COL7A1: variants seen among roughly 807,000 people sequenced by gnomAD.
COL7A1 encodes the protein collagen type VII alpha 1 chain, also known as collagen alpha-1(VII) chain.
In COL7A1, 296 loss-of-function variants were observed where a neutral mutation model predicts 456.2. The observed-to-expected ratio is 0.65, with a 90% CI of 0.59 to 0.71. The LOEUF (loss-of-function observed/expected upper bound fraction) is 0.71, where lower values mean the gene tolerates loss of function less well. Ranked by LOEUF, COL7A1 falls within the 30% of genes least tolerant of loss-of-function variation. The pLI, the probability that COL7A1 is intolerant of heterozygous loss-of-function variation, is 0.00. For missense variants in COL7A1, 3,441 were observed against 4,017.2 expected (o/e 0.86, Z 3.88); for synonymous variants, 1,464 against 1,525.9 (o/e 0.96, Z 0.95).
chr3:48,583,060 G>C lies in COL7A1; in HGVS notation c.4483-12C>G. 1.9e-6 allele frequency: 3 copies of C among 1,614,070 alleles called. No homozygotes were observed. In the South Asian group the frequency reaches 3.3e-5, roughly 18 times the overall value. Reference sequence around the variant, plus strand: ...GGTCCACGTTCGCCCTGATGGAAAAGAAGAGGTCAGAGCTGAGTTGGGCCC... The same window carrying C: ...GGTCCACGTTCGCCCTGATGGAAAACAAGAGGTCAGAGCTGAGTTGGGCCC... On this transcript the variant is annotated splice_polypyrimidine_tract_variant and intron_variant, in intron 43 of 118. Transcript: ENST00000681320. This position sits in a 1 kb window ranked among gnomAD's most constrained non-coding sequence, Gnocchi z 5.1.
Position 48,567,739 on chromosome 3 carries a change from G to C in COL7A1, c.7954C>G (p.Pro2652Ala). Residue 2652 changes from proline to alanine, a missense_variant, in exon 108 of 119, where the codon CCC becomes GCC. Physicochemically the swap from Pro to Ala is conservative, Grantham distance 27. Coordinates refer to ENST00000681320, the MANE Select transcript of COL7A1 (RefSeq NM_000094.4). This position sits in a 1 kb window ranked among gnomAD's most constrained non-coding sequence, Gnocchi z 4.3. ...DKGEAGPPGRPGLAGHKGEMG... is the reference protein window; with the variant it reads ...DKGEAGPPGRAGLAGHKGEMG... ...TCTCCTTTGTGTCCTGCCAGCCCGG[G>C]GCGGCCTGGGGGACCAGCTTCTCCC... The C allele has an allele frequency of 6.2e-7, 1 of 1,614,120 alleles. No individual in the cohort carries two copies. Among genetic ancestry groups the C allele is most frequent in the Non-Finnish European group, 8.5e-7 (1 of 1,180,026 alleles).
rs1388821282 is a variant in COL7A1 at position 48,590,263 on chromosome 3, A to G, written c.2000T>C (p.Val667Ala). 3 of 1,613,818 alleles carry G rather than the reference A, an allele frequency of 1.9e-6. No individual in the cohort carries two copies. The highest frequency in any genetic ancestry group is 1.1e-5 in the South Asian group (1 of 91,080). The change falls in exon 16 of 119, where the codon GTA becomes GCA. Residue 667 changes from valine to alanine, a missense_variant. Coordinates refer to ENST00000681320, the MANE Select transcript of COL7A1 (RefSeq NM_000094.4). The surrounding 1 kb of genome is among the most constrained non-coding windows in gnomAD (Gnocchi z 4.6). ...AGGGCCCTCCTCTCTGCCTCGCAGT[A>G]CCGACACAGCCACCTGGTAGGTGGT... The part of the protein sequence containing the change: ...PGTTYQVAVS[V>A]LRGREEGPAA...
chr3:48,567,778 C>T lies in COL7A1; in HGVS notation c.7930-15G>A, dbSNP rs1484557597. The T allele has an allele frequency of 6.2e-7, 1 of 1,614,076 alleles. No homozygotes were observed. The highest frequency in any genetic ancestry group is 8.5e-7 in the Non-Finnish European group (1 of 1,180,040). The stretch of plus-strand genomic sequence containing the variant: ...CCAGCTTCTCCCTGCAGGCATCAGG[C>T]AGTGGGGTGAGCCTTAGGCCCCAGG... On this transcript the variant is annotated splice_polypyrimidine_tract_variant and intron_variant, in intron 107 of 118. Transcript: ENST00000681320. This position sits in a 1 kb window ranked among gnomAD's most constrained non-coding sequence, Gnocchi z 4.3.
Position 48,589,082 on chromosome 3 carries a change from G to A in COL7A1, c.2315-87C>T, listed in dbSNP as rs538326849. Reference sequence around the variant, plus strand: ...TGACGCAGGGGTGATCTGAAAGTCAGTGTGAGGTTAGTGTGGACAGGTCAC... The same window carrying A: ...TGACGCAGGGGTGATCTGAAAGTCAATGTGAGGTTAGTGTGGACAGGTCAC... On this transcript the variant is annotated intron_variant, in intron 18 of 118. Transcript: ENST00000681320. The A allele has an allele frequency of 5.1e-5, 81 of 1,602,084 alleles. 2 individuals are homozygous for A. The South Asian group carries it at 9.0e-4, about 18-fold the overall frequency.
chr3:48,578,264 G>A lies in COL7A1; in HGVS notation c.5532+57C>T. The stretch of plus-strand genomic sequence containing the variant: ...ATGTGTTGCTACAGATCTTGGCTGT[G>A]TAGGTGTGCTGGCGTTTCTTGGCAG... On this transcript the variant is annotated intron_variant, in intron 65 of 118. Transcript: ENST00000681320. This position sits in a 1 kb window ranked among gnomAD's most constrained non-coding sequence, Gnocchi z 4.7. 1 of 1,602,786 alleles carries A rather than the reference G, an allele frequency of 6.2e-7. No individual in the cohort carries two copies. The highest frequency in any genetic ancestry group is 2.2e-5 in the East Asian group (1 of 44,804).
chr3:48,594,645 T>A lies in COL7A1; in HGVS notation c.86-97A>T. On this transcript the variant is annotated intron_variant, in intron 2 of 118. Transcript: ENST00000681320. The surrounding 1 kb of genome is among the most constrained non-coding windows in gnomAD (Gnocchi z 5.5). ...CTGGGACTTGGGATGGTGGGGAGAG[T>A]AGGCCTCATCTTATGCAAACCAGGG... The A allele has an allele frequency of 7.1e-7, 1 of 1,406,810 alleles. No individual in the cohort carries two copies. The highest frequency in any genetic ancestry group is 9.7e-7 in the Non-Finnish European group (1 of 1,034,400). The allele number at this position is 1,406,810 out of a possible 1,614,324, so 87.1% of individuals were successfully genotyped here.
In COL7A1 at chr3:48,576,634, C is replaced by T. The variant is rs373316341; in HGVS notation, c.5700+42G>A. The T allele has an allele frequency of 2.5e-6, 4 of 1,591,544 alleles. No homozygotes were observed. The Admixed American group carries it at 7.2e-5, about 29-fold the overall frequency. On this transcript the variant is annotated intron_variant, in intron 68 of 118. Transcript: ENST00000681320. ...AGGGTTGCCCATTGAAACATCATGGCTTCTAATGCTCTGAAGTCCCAGAAT... is the reference window on the plus strand; with the variant it reads ...AGGGTTGCCCATTGAAACATCATGGTTTCTAATGCTCTGAAGTCCCAGAAT...
chr3:48,575,252 A>C lies in COL7A1; in HGVS notation c.6181-10T>G. 2 of 1,613,912 alleles carry C rather than the reference A, an allele frequency of 1.2e-6. No individual in the cohort carries two copies. The highest frequency in any genetic ancestry group is 1.7e-6 in the Non-Finnish European group (2 of 1,179,970). On this transcript the variant is annotated splice_polypyrimidine_tract_variant and intron_variant, in intron 74 of 118. Coordinates refer to ENST00000681320, the MANE Select transcript of COL7A1 (RefSeq NM_000094.4). This position sits in a 1 kb window ranked among gnomAD's most constrained non-coding sequence, Gnocchi z 6.3. ...TCTCTCCCCGTTCTCCCTGAAATGC[A>C]AATAGCGGGTGAGGGCCAAGCCCAT...
At position 48,584,547 on chromosome 3, in the gene COL7A1, C is replaced by T. The variant is rs149361101; in HGVS notation, c.4057G>A (p.Gly1353Arg). Reference protein sequence around the residue: ...RGPKGEPGAPGQVIGGEGPGL... With the variant: ...RGPKGEPGAPRQVIGGEGPGL... The stretch of plus-strand genomic sequence containing the variant: ...GGTCCTTCACCTCCGATGACTTGTC[C>T]GGGAGCCCCCTGTAAGGACAGAGAG... The change falls in exon 36 of 119, where the codon GGA (glycine) becomes AGA (arginine). Residue 1353 changes from glycine (G) to arginine (R), a missense_variant. Transcript: ENST00000681320. 3.1e-5 allele frequency: 50 copies of T among 1,614,096 alleles called. No individual in the cohort carries two copies. The highest frequency in any genetic ancestry group is 4.0e-5 in the Non-Finnish European group (47 of 1,180,002).
rs747975359 is a variant in COL7A1 at position 48,575,279 on chromosome 3, G to A, written c.6181-37C>T. 6.2e-7 allele frequency: 1 copy of A among 1,613,786 alleles called. No homozygotes were observed. Among genetic ancestry groups the A allele is most frequent in the Admixed American group, 1.7e-5 (1 of 60,018 alleles). ...ATAGCGGGTGAGGGCCAAGCCCATG[G>A]GGGGTCCCACCCCTCCCAACCCCTC... On this transcript the variant is annotated intron_variant, in intron 74 of 118. Coordinates refer to ENST00000681320, the MANE Select transcript of COL7A1 (RefSeq NM_000094.4). This position sits in a 1 kb window ranked among gnomAD's most constrained non-coding sequence, Gnocchi z 6.3.
In COL7A1 at chr3:48,571,950, G is replaced by A. The variant is rs752445437; in HGVS notation, c.7068+51C>T. On this transcript the variant is annotated intron_variant, in intron 92 of 118. Coordinates refer to ENST00000681320, the MANE Select transcript of COL7A1 (RefSeq NM_000094.4). The surrounding 1 kb of genome is among the most constrained non-coding windows in gnomAD (Gnocchi z 4.6). ...GGCCCAAGAGTGGCCCCTTATGCCCGCCATCACACTCCTCAGGCCAGGCTC... is the reference window on the plus strand; with the variant it reads ...GGCCCAAGAGTGGCCCCTTATGCCCACCATCACACTCCTCAGGCCAGGCTC... The A allele has an allele frequency of 1.1e-5, 17 of 1,602,106 alleles. No individual in the cohort carries two copies. Among genetic ancestry groups the A allele is most frequent in the South Asian group, 6.7e-5 (6 of 89,520 alleles).
chr3:48,572,883 G>C lies in COL7A1; in HGVS notation c.6810C>G (p.Asp2270Glu). 6.2e-7 allele frequency: 1 copy of C among 1,613,972 alleles called. No individual in the cohort carries two copies. The highest frequency in any genetic ancestry group is 8.5e-7 in the Non-Finnish European group (1 of 1,179,998). ...GRDGASGKDG[D>E]RGSPGVPGSP... ...ATACTGGCACACCAGGGCTCCCTCTGTCTCCATCTTTTCCACTGGCACCAT... is the reference window on the plus strand; with the variant it reads ...ATACTGGCACACCAGGGCTCCCTCTCTCTCCATCTTTTCCACTGGCACCAT... The change falls in exon 87 of 119, where the codon GAC (aspartate) becomes GAG (glutamate). Residue 2270 changes from aspartate to glutamate, a missense_variant. Coordinates refer to ENST00000681320, the MANE Select transcript of COL7A1 (RefSeq NM_000094.4). The surrounding 1 kb of genome is among the most constrained non-coding windows in gnomAD (Gnocchi z 4.6).
rs1575453409 is a variant in COL7A1 at position 48,580,002 on chromosome 3, C to T, written c.5124+29G>A. The T allele has an allele frequency of 2.5e-6, 4 of 1,613,846 alleles. No homozygotes were observed. Among genetic ancestry groups the T allele is most frequent in the Admixed American group, 3.3e-5 (2 of 59,990 alleles). The stretch of plus-strand genomic sequence containing the variant: ...CCAAAGGGGCAAGTGAGAACAATGA[C>T]AGAGGACCAGACCCAGCGCAGCCCT... On this transcript the variant is annotated intron_variant, in intron 57 of 118. Coordinates refer to ENST00000681320, the MANE Select transcript of COL7A1 (RefSeq NM_000094.4). The surrounding 1 kb of genome is among the most constrained non-coding windows in gnomAD (Gnocchi z 4.5).
chr3:48,592,262 A>G lies in COL7A1; in HGVS notation c.1094-14T>C. On this transcript the variant is annotated splice_polypyrimidine_tract_variant and intron_variant, in intron 9 of 118. Transcript: ENST00000681320. The surrounding 1 kb of genome is among the most constrained non-coding windows in gnomAD (Gnocchi z 7.6). ...GTGTGGGCCCACCTGCATGGGGGAC[A>G]CCAAGGGGCCAGTGGGCCTTGCAGA... is the stretch of plus-strand genomic sequence containing the variant. The G allele has an allele frequency of 6.2e-7, 1 of 1,613,746 alleles. No individual in the cohort carries two copies. The highest frequency in any genetic ancestry group is 1.1e-5 in the South Asian group (1 of 91,076).
rs36087234 is a variant in COL7A1, at chr3:48,587,838, C to T, written c.2812G>A (p.Gly938Arg). ...GCAGAGGGCCCTTCTCCAGCTGGCCCTAGGACACTCAGCCTCACGCGGTAC... is the reference window on the plus strand; with the variant it reads ...GCAGAGGGCCCTTCTCCAGCTGGCCTTAGGACACTCAGCCTCACGCGGTAC... ...TQYRVRLSVL[G>R]PAGEGPSAEV... Residue 938 changes from glycine (G) to arginine (R), a missense_variant, in exon 22 of 119, where the codon GGG becomes AGG. This residue lies in a region of COL7A1 where 444 missense variants were observed against 427.6 expected (regional missense o/e 1.04). Coordinates refer to ENST00000681320, the MANE Select transcript of COL7A1 (RefSeq NM_000094.4). The surrounding 1 kb of genome is among the most constrained non-coding windows in gnomAD (Gnocchi z 6.1). 6.2e-7 allele frequency: 1 copy of T among 1,613,392 alleles called. No individual in the cohort carries two copies. Among genetic ancestry groups the T allele is most frequent in the Non-Finnish European group, 8.5e-7 (1 of 1,179,950 alleles).
rs775985967 is a variant in COL7A1 at position 48,586,472 on chromosome 3, G to A, written c.3410C>T (p.Ala1137Val). The A allele has an allele frequency of 7.7e-5, 125 of 1,613,702 alleles. No individual in the cohort carries two copies. Among genetic ancestry groups the A allele is most frequent in the Non-Finnish European group, 9.8e-5 (116 of 1,180,054 alleles). The change falls in exon 27 of 119, where the codon GCC becomes GTC. Residue 1137 changes from alanine (A) to valine (V), a missense_variant. Ala to Val is a moderately conservative substitution (Grantham distance 64). Around this residue, in one of 3 missense-constraint regions of COL7A1, gnomAD observed 2,084 missense variants for 2,501.3 expected, o/e 0.83. Transcript: ENST00000681320. This position sits in a 1 kb window ranked among gnomAD's most constrained non-coding sequence, Gnocchi z 5.1. The stretch of plus-strand genomic sequence containing the variant: ...CATGTATCTGTGAGCTGTGACCACG[G>A]CTGTGCCTGGAAGGAAGGACATGTC... Reference protein sequence around the residue: ...MDPSGNNLGTAVVTAHRYMLA... With the variant: ...MDPSGNNLGTVVVTAHRYMLA...
Position 48,592,584 on chromosome 3 carries a change from C to T in COL7A1, c.962G>A (p.Gly321Glu). 6.2e-7 allele frequency: 1 copy of T among 1,613,972 alleles called. No individual in the cohort carries two copies. The highest frequency in any genetic ancestry group is 1.1e-5 in the South Asian group (1 of 91,086). Residue 321 changes from glycine to glutamate, a missense_variant, in exon 8 of 119, where the codon GGG becomes GAG. This residue lies in a region of COL7A1 where 913 missense variants were observed against 1,088.2 expected (regional missense o/e 0.84). Coordinates refer to ENST00000681320, the MANE Select transcript of COL7A1 (RefSeq NM_000094.4). The surrounding 1 kb of genome is among the most constrained non-coding windows in gnomAD (Gnocchi z 7.6). Reference sequence around the variant, plus strand: ...GAATTGCTCACTGGTCCGAGCTGTCCCGCTCACAGCCTCCCCGATGCTGTT... The same window carrying T: ...GAATTGCTCACTGGTCCGAGCTGTCTCGCTCACAGCCTCCCCGATGCTGTT... ...YANSIGEAVS[G>E]TARTTALEGP... is the part of the protein sequence containing the mutation.
rs1256080865 is a variant in COL7A1 at position 48,583,384 on chromosome 3, G to A, written c.4437+9C>T. The A allele has an allele frequency of 2.5e-6, 4 of 1,613,942 alleles. No homozygotes were observed. In the East Asian group the frequency reaches 6.7e-5, roughly 27 times the overall value. ...CCCCTCACACCTGAATCCCCCAACT[G>A]GTACTCACTTTGGGGCCAATAGCTC... On this transcript the variant is annotated intron_variant, in intron 42 of 118. Transcript: ENST00000681320. This position sits in a 1 kb window ranked among gnomAD's most constrained non-coding sequence, Gnocchi z 5.1.
Position 48,587,425 on chromosome 3 carries a change from C to T in COL7A1, c.2987G>A (p.Gly996Asp). 1 of 1,613,274 alleles carries T rather than the reference C, an allele frequency of 6.2e-7. No homozygotes were observed. The highest frequency in any genetic ancestry group is 8.5e-7 in the Non-Finnish European group (1 of 1,180,018). Residue 996 changes from glycine to aspartate, a missense_variant, in exon 23 of 119, where the codon GGC becomes GAC. By Grantham distance (94) the Gly-to-Asp change is moderately conservative. Coordinates refer to ENST00000681320, the MANE Select transcript of COL7A1 (RefSeq NM_000094.4). This position sits in a 1 kb window ranked among gnomAD's most constrained non-coding sequence, Gnocchi z 6.1. ...ILSWRPLRGP[G>D]QEVPGSPQTL... ...AATCCTGGCCTCCCCCTCACCCTGG[C>T]CAGGGCCTCTGAGTGGCCGCCAGGA...
Sources: gnomAD v4.1 joint callset for allele counts on GRCh38, gnomAD v4.1.1 for gene constraint, gnomAD v4.1.1 regional missense constraint, Gnocchi (gnomAD v3.1) non-coding constraint, MANE v1.5 for transcripts, NCBI Gene and HGNC (gene_info 2026-07-23, HGNC 2026-07-21) for gene names.